Variants in MPP4 observed in about 807,000 individuals in gnomAD.
MPP4 encodes MAGUK p55 scaffold protein 4.
MPP4 carries 91 observed loss-of-function variants against 98.3 expected under a neutral mutation model. That is an observed-to-expected ratio of 0.93 (90% CI 0.78 to 1.10). MPP4 has a LOEUF of 1.10. Among genes scored for constraint, MPP4 ranks in the 50% least tolerant of loss-of-function variants. MPP4 has a pLI of 0.00. For synonymous variants in MPP4, 261 were observed against 271.8 expected (o/e 0.96, Z 0.39); for missense variants, 744 against 792.9 (o/e 0.94, Z 0.74).
intron 3 of MPP4, among the ~76,000 whole-genome samples, chr2:201,692,182 G>T (rs1314734283): frequency 6.6e-6 from 1 of 152,186 alleles, no homozygotes; most frequent in African/African-American, 2.4e-5. Context: ...GTTGATAAAT[G>T]ACACCATTGG....
At chr2:201,668,054 C>T (rs1000491431) in intron 12 of MPP4, among the ~76,000 whole-genome samples, 6 of 152,082 alleles carry the variant, frequency 3.9e-5, no homozygotes, top group Non-Finnish European at 1.5e-5. Context: ...GTTCCCAGTA[C>T]ATAACAAAGT....
At chr2:201,669,841 T>A in intron 11 of MPP4, 91 bp from the exon 12 acceptor site, 1 of 1,034,630 alleles carries the variant, frequency 9.7e-7, no homozygotes, top group Non-Finnish European at 1.3e-6. Context: ...ATAAGAAATG[T>A]AATGTGCAAA....
At chr2:201,692,371 C>T (rs531629079) in intron 3 of MPP4, among the ~76,000 whole-genome samples, 2 of 152,088 alleles carry the variant, frequency 1.3e-5, no homozygotes, top group East Asian at 1.9e-4. Flanking sequence ...TGGTGAAACC[C>T]CATCTCTATT....
At chr2:201,679,581 T>C (rs558361573) in intron 10 of MPP4, among the ~76,000 whole-genome samples, 110 of 152,304 alleles carry the variant, frequency 7.2e-4, no homozygotes, top group African/African-American at 2.6e-3. Context: ...GGATGAGCTG[T>C]TTATGGTCCT....
chr2:201,649,112 G>A (rs1687648150), intron 20 of MPP4, among the ~76,000 whole-genome samples: 1 of 151,546 alleles, frequency 6.6e-6, no homozygotes, highest in Non-Finnish European at 1.5e-5. Flanking sequence ...ACACACACAC[G>A]AAGAAAATAC....
At chr2:201,672,340 G>C (rs1250558926) in intron 11 of MPP4, among the ~76,000 whole-genome samples, 1 of 152,066 alleles carries the variant, frequency 6.6e-6, no homozygotes, top group Non-Finnish European at 1.5e-5. Flanking sequence ...AAAAGAACTA[G>C]AGAAGCAAGA....
intron 10 of MPP4, among the ~76,000 whole-genome samples, chr2:201,678,289 A>G (rs1688571846): frequency 6.6e-6 from 1 of 151,856 alleles, no homozygotes; most frequent in South Asian, 2.1e-4. Context: ...ATCCCTGTTC[A>G]TGTCCTTCAG....
At chr2:201,666,901 A>G (rs16837959) in intron 12 of MPP4, among the ~76,000 whole-genome samples, 25,676 of 152,062 alleles carry the variant, frequency 0.17, 2,397 homozygotes, top group African/African-American at 0.24. Flanking sequence ...CCTATATTAA[A>G]TGAAAATGTA....
chr2:201,647,025 A>T (rs1687576233), intron 21 of MPP4, among the ~76,000 whole-genome samples: 1 of 152,230 alleles, frequency 6.6e-6, no homozygotes, highest in Non-Finnish European at 1.5e-5. Flanking sequence ...GCATACACAC[A>T]TAAAAATTCA....
chr2:201,660,228 G>T, intron 15 of MPP4, 104 bp downstream of exon 15: 1 of 1,112,192 alleles, frequency 9.0e-7, no homozygotes, highest in Non-Finnish European at 1.3e-6. Flanking sequence ...AACAAATTCC[G>T]TATCTTCATC....
chr2:201,655,589 C>A (rs1221074543), intron 17 of MPP4, among the ~76,000 whole-genome samples: 1 of 152,162 alleles, frequency 6.6e-6, no homozygotes, highest in Non-Finnish European at 1.5e-5. Flanking sequence ...CAGGGACCTG[C>A]CTTGCTCATG....
chr2:201,692,623 A>G (rs1559020076), intron 3 of MPP4, among the ~76,000 whole-genome samples: 1 of 151,916 alleles, frequency 6.6e-6, no homozygotes, highest in Non-Finnish European at 1.5e-5. Flanking sequence ...TATGGAATTA[A>G]TGCCCTTATA....
chr2:201,696,612 T>C (rs920698252), intron 1 of MPP4, among the ~76,000 whole-genome samples: 1 of 152,188 alleles, frequency 6.6e-6, no homozygotes, highest in Non-Finnish European at 1.5e-5. Context: ...GGCCTACCCA[T>C]TCAGCAGTTG....
At chr2:201,660,156 T>G (rs56116031) in intron 15 of MPP4, among the ~76,000 whole-genome samples, 176 bp downstream of exon 15, 11,156 of 152,302 alleles carry the variant, frequency 0.073, 515 homozygotes, top group Non-Finnish European at 0.11. Flanking sequence ...CCTCACAAAC[T>G]TAGTTTGGAA....
At chr2:201,684,026 C>A (rs1688742417) in intron 7 of MPP4, among the ~76,000 whole-genome samples, 1 of 151,596 alleles carries the variant, frequency 6.6e-6, no homozygotes, top group Non-Finnish European at 1.5e-5. Context: ...TTGACACCAG[C>A]CTGGGCAACA....
chr2:201,666,306 C>G, intron 13 of MPP4, 28 bp downstream of exon 13: 14 of 1,536,644 alleles, frequency 9.1e-6, no homozygotes, highest in Non-Finnish European at 1.1e-5. Flanking sequence ...TTTCTTCTAA[C>G]AGCAAAGCAA....
intron 12 of MPP4, among the ~76,000 whole-genome samples, chr2:201,667,659 G>T (rs904922264): frequency 6.6e-6 from 1 of 152,148 alleles, no homozygotes; most frequent in Non-Finnish European, 1.5e-5. Context: ...CATCCCAGGT[G>T]CTCAACAAAT....
chr2:201,697,484 C>T (rs2105955132), intron 1 of MPP4, among the ~76,000 whole-genome samples: 1 of 152,320 alleles, frequency 6.6e-6, no homozygotes, highest in African/African-American at 2.4e-5. Flanking sequence ...TGTTGCTTAT[C>T]TTGTTCATGC....
At chr2:201,686,630 T>C (rs1490914707) in intron 5 of MPP4, among the ~76,000 whole-genome samples, 1 of 152,232 alleles carries the variant, frequency 6.6e-6, no homozygotes. Flanking sequence ...GCTGTCACTC[T>C]GCCACCCTGA....
Sources: gnomAD v4.1 joint callset for allele counts (sites outside exome capture counted in the v4.1 genomes callset) on GRCh38, gnomAD v4.1.1 for gene constraint, MANE v1.5 for transcripts, NCBI Gene and HGNC (gene_info 2026-07-23, HGNC 2026-07-21) for gene names.